LAMC2: variants seen among roughly 807,000 people sequenced by gnomAD.
The protein encoded by LAMC2 is laminin subunit gamma 2, also known as laminin subunit gamma-2.
In LAMC2, 97 loss-of-function variants were observed where a neutral mutation model predicts 140.2. The ratio of observed to expected loss-of-function variants is 0.69; its 90% CI spans 0.59 to 0.82. LAMC2 has a LOEUF of 0.82. Ranked by LOEUF, LAMC2 falls within the 40% of genes least tolerant of loss-of-function variation. The pLI, the probability that LAMC2 is intolerant of heterozygous loss-of-function variation, is 0.00. For synonymous variants in LAMC2, 513 were observed against 540.2 expected (o/e 0.95, Z 0.70); for missense variants, 1,402 against 1,476.1 (o/e 0.95, Z 0.82).
Position 183,218,544 on chromosome 1 carries a change from T to G in LAMC2, c.503+56T>G, listed in dbSNP as rs967348405. 3.1e-5 allele frequency: 38 copies of G among 1,243,758 alleles called. No homozygotes were observed. The Middle Eastern group carries it at 5.6e-4, about 18-fold the overall frequency. The allele number at this position is 1,243,758 out of a possible 1,614,324, so 77.0% of individuals were successfully genotyped here. A position where few individuals can be genotyped will look rare whatever the true frequency, so the allele number is the denominator to read the frequency against. On this transcript the variant is annotated intron_variant, in intron 4 of 22. Transcript: ENST00000264144. The stretch of plus-strand genomic sequence containing the variant: ...AGAGAGAGTCCCTTGCCAACTAGCA[T>G]GAGAATTAATCCTCCGAGTGTAATT...
At chr1:183,249,094 G>A (rs549714150), downstream of LAMC2, 2 of 152,332 alleles carry the variant, frequency 1.3e-5, no homozygotes, top group African/African-American at 4.8e-5. Flanking sequence ...TGAAACTAGA[G>A]AACATTGTTG....
chr1:183,225,717 T>C lies in LAMC2; in HGVS notation c.1063T>C (p.Tyr355His). 6.3e-7 allele frequency: 1 copy of C among 1,587,830 alleles called. No homozygotes were observed. The highest frequency in any genetic ancestry group is 8.7e-7 in the Non-Finnish European group (1 of 1,155,852). The change falls in exon 8 of 23, where the codon TAC (tyrosine) becomes CAC (histidine). Residue 355 changes from tyrosine (Y) to histidine (H), a missense_variant. Tyr to His is a moderately conservative substitution (Grantham distance 83, BLOSUM62 2). Coordinates refer to ENST00000264144, the MANE Select transcript of LAMC2 (RefSeq NM_005562.3). ...CCGCATCCGAGCTACATATGGAGAATACAGTAAGTGGCTACGAGAAATTAA... is the reference window on the plus strand; with the variant it reads ...CCGCATCCGAGCTACATATGGAGAACACAGTAAGTGGCTACGAGAAATTAA... ...ALRIRATYGEYSTGYIDNVTL... is the reference protein window; with the variant it reads ...ALRIRATYGEHSTGYIDNVTL...
At chr1:183,206,417 G>C (rs1231524521) in intron 1 of LAMC2, among the ~76,000 whole-genome samples, 2 of 152,198 alleles carry the variant, frequency 1.3e-5, no homozygotes, top group African/African-American at 4.8e-5. Context: ...GCCGAGGCAG[G>C]CGGATCACCT....
rs1659639076 is a variant in LAMC2, at chr1:183,226,791, G to T, written c.1160G>T (p.Gly387Val). The part of the protein sequence containing the change: ...PWVEQCICPV[G>V]YKGQFCQDCA... ...GTTGAACAGTGTATATGTCCTGTTG[G>T]GTACAAGGGGCAATTCTGCCAGGAT... The change falls in exon 9 of 23, where the codon GGG (glycine) becomes GTG (valine). Residue 387 changes from glycine (G) to valine (V), a missense_variant. Transcript: ENST00000264144. 6.2e-7 allele frequency: 1 copy of T among 1,614,082 alleles called. No individual in the cohort carries two copies. Among genetic ancestry groups the T allele is most frequent in the Non-Finnish European group, 8.5e-7 (1 of 1,180,046 alleles).
intron 1 of LAMC2, among the ~76,000 whole-genome samples, chr1:183,204,025 CATGCCTGTA>C (rs1174153062): frequency 2.0e-5 from 3 of 152,196 alleles, no homozygotes; most frequent in Non-Finnish European, 2.9e-5. Flanking sequence ...CATGGTAGCT[CATGCCTGTA>C]ATTCCAGCAC....
chr1:183,229,158 T>G (rs1347538569), intron 11 of LAMC2, among the ~76,000 whole-genome samples: 2 of 152,162 alleles, frequency 1.3e-5, no homozygotes, highest in Admixed American at 1.3e-4. Flanking sequence ...CTGCTGCAGA[T>G]CAAAGCATGA....
chr1:183,252,466 G>T, the LAMC2 span: 1 of 387,234 alleles, frequency 2.6e-6, no homozygotes, highest in Non-Finnish European at 5.2e-6. Context: ...GTCCAAAGAT[G>T]ACTGTGGAAT....
rs555002328 is a variant in LAMC2 at position 183,230,511 on chromosome 1, G to A, written c.1715-450G>A. ...TTCCTACACCAAAGGCCGCAGAACA[G>A]AGGAAAGAACATTGGCTCTGCCTGA... On this transcript the variant is annotated intron_variant, in intron 11 of 22. Coordinates refer to ENST00000264144, the MANE Select transcript of LAMC2 (RefSeq NM_005562.3). Among the ~76,000 whole-genome samples, 6 of 152,342 alleles carry A rather than the reference G, an allele frequency of 3.9e-5. No homozygotes were observed. In the South Asian group the frequency reaches 1.2e-3, roughly 32 times the overall value.
chr1:183,240,596 A>G, intron 22 of LAMC2: 2 of 1,433,062 alleles, frequency 1.4e-6, no homozygotes, highest in Non-Finnish European at 1.8e-6. Context: ...AAGATGGGTC[A>G]CTGAACACCT....
intron 22 of LAMC2, 62 bp from the exon 23 acceptor site, chr1:183,243,085 G>T: frequency 6.3e-7 from 1 of 1,591,990 alleles, no homozygotes; most frequent in South Asian, 1.1e-5. Context: ...AAGGGCACGG[G>T]TGTTCAAGGA....
intron 1 of LAMC2, among the ~76,000 whole-genome samples, chr1:183,203,735 C>T (rs1475917120): frequency 6.6e-6 from 1 of 152,082 alleles, no homozygotes; most frequent in Non-Finnish European, 1.5e-5. Flanking sequence ...CAAAGTCCTG[C>T]AGGCAAGGCT....
chr1:183,196,769 A>C (rs1299262804), intron 1 of LAMC2, among the ~76,000 whole-genome samples: 2 of 151,828 alleles, frequency 1.3e-5, no homozygotes, highest in Admixed American at 6.6e-5. Flanking sequence ...TGAAAAAATG[A>C]AATAGGAGAC....
chr1:183,205,506 G>A (rs1454535852), intron 1 of LAMC2, among the ~76,000 whole-genome samples: 1 of 152,188 alleles, frequency 6.6e-6, no homozygotes, highest in Non-Finnish European at 1.5e-5. Context: ...CCTGTTACAA[G>A]CCAAGCTGTT....
intron 22 of LAMC2, 47 bp from the exon 23 acceptor site, chr1:183,243,100 T>C (rs1223554971): frequency 1.2e-6 from 2 of 1,611,994 alleles, no homozygotes; most frequent in Non-Finnish European, 1.7e-6. Flanking sequence ...CAAGGAGATC[T>C]AACTACAGCT....
downstream of LAMC2, among the ~76,000 whole-genome samples, chr1:183,247,552 GA>G (rs1036815550): frequency 9.2e-5 from 13 of 141,348 alleles, no homozygotes; most frequent in African/African-American, 1.6e-4. Flanking sequence ...AAAGATAAAA[GA>G]AAAAAATACG....
the LAMC2 span, chr1:183,250,719 A>AC: frequency 6.6e-6 from 1 of 152,582 alleles, no homozygotes. Context: ...AAACACTGAT[A>AC]CCCCAAAATA....
chr1:183,254,698 G>T, the LAMC2 span, among the ~76,000 whole-genome samples: 1 of 152,158 alleles, frequency 6.6e-6, no homozygotes, highest in Non-Finnish European at 1.5e-5. Context: ...CAGCCTCCCA[G>T]CGTGCTGGGA....
chr1:183,213,748 CAAAAAAAAAA>C (rs529019896), intron 2 of LAMC2, among the ~76,000 whole-genome samples: 1 of 68,188 alleles, frequency 1.5e-5, no homozygotes, highest in Middle Eastern at 0.011. Context: ...TGCAGTGAGC[CAAAAAAAAAA>C]AAAAAAAAAA....
Position 183,231,038 on chromosome 1 carries a change from G to C in LAMC2, c.1792G>C (p.Gly598Arg). Residue 598 changes from glycine (G) to arginine (R), a missense_variant, in exon 12 of 23, where the codon GGT becomes CGT. Gly to Arg is a moderately radical substitution (Grantham distance 125). This residue lies in a region of LAMC2 where 723 missense variants were observed against 783.3 expected (regional missense o/e 0.92). Transcript: ENST00000264144. ...CACCTGTGTTTGCAAGCCAGGATTT[G>C]GTGGCCCCAACTGTGAGCATGGAGC... ...DGTCVCKPGF[G>R]GPNCEHGAFS... is the part of the protein sequence containing the mutation. 6.2e-7 allele frequency: 1 copy of C among 1,614,112 alleles called. No individual in the cohort carries two copies. The highest frequency in any genetic ancestry group is 1.1e-5 in the South Asian group (1 of 91,082).
Sources: gnomAD v4.1 joint callset for allele counts (sites outside exome capture counted in the v4.1 genomes callset) on GRCh38, gnomAD v4.1.1 for gene constraint, gnomAD v4.1.1 regional missense constraint, MANE v1.5 for transcripts, NCBI Gene and HGNC (gene_info 2026-07-23, HGNC 2026-07-21) for gene names.